The following C5orf63 variants were observed in gnomAD, a reference collection of about 807,000 sequenced individuals.
The protein encoded by C5orf63 is glutaredoxin-like protein C5orf63.
In C5orf63, 18 loss-of-function variants were observed where a neutral mutation model predicts 13.3. The observed-to-expected ratio is 1.36, with a 90% CI of 0.94 to 2.01. The LOEUF (loss-of-function observed/expected upper bound fraction) is 2.01, where lower values mean the gene tolerates loss of function less well. Among genes scored for constraint, C5orf63 ranks in the 30% most tolerant of loss-of-function variants. C5orf63 has a pLI of 0.00. For synonymous variants in C5orf63, 38 were observed against 44.7 expected, an observed-to-expected ratio of 0.85 and a Z score of 0.60; for missense variants, 118 against 127.7, an observed-to-expected ratio of 0.92 and a Z score of 0.36.
intron 2 of C5orf63, among the ~76,000 whole-genome samples, chr5:127,066,658 T>C (rs1302458754): frequency 6.6e-6 from 1 of 151,954 alleles, no homozygotes; most frequent in Non-Finnish European, 1.5e-5. Flanking sequence ...GAGAATGACA[T>C]ACACAGGTTT....
At chr5:127,049,938 T>C (rs1329939539), downstream of C5orf63, among the ~76,000 whole-genome samples, 1 of 152,176 alleles carries the variant, frequency 6.6e-6, no homozygotes, top group Admixed American at 6.5e-5. Context: ...TTCCTGCTAG[T>C]TTTTGGCCGA....
At chr5:127,049,013 A>AG (rs560392872), downstream of C5orf63, among the ~76,000 whole-genome samples, 76 of 152,232 alleles carry the variant, frequency 5.0e-4, no homozygotes, top group Non-Finnish European at 9.0e-4. Flanking sequence ...ACACAAGTGG[A>AG]GGACTTTGTC....
At chr5:127,061,746 C>T (rs889966635) in intron 2 of C5orf63, among the ~76,000 whole-genome samples, 12 of 152,160 alleles carry the variant, frequency 7.9e-5, no homozygotes, top group East Asian at 7.7e-4. Context: ...GCCATGTTTA[C>T]TCTAGGTAGA....
At chr5:127,048,906 T>C (rs1173591798), downstream of C5orf63, among the ~76,000 whole-genome samples, 1 of 152,182 alleles carries the variant, frequency 6.6e-6, no homozygotes, top group Non-Finnish European at 1.5e-5. Flanking sequence ...CCTTTCCAAC[T>C]GGTGGTCTAG....
At chr5:127,051,240 C>T (rs1321425547), downstream of C5orf63, 2 of 1,105,376 alleles carry the variant, frequency 1.8e-6, no homozygotes, top group East Asian at 3.2e-5. Flanking sequence ...TTCTACTCAA[C>T]AAAAATGAAC....
At chr5:127,058,117 A>C (rs1333385203) in intron 3 of C5orf63, among the ~76,000 whole-genome samples, 1 of 152,110 alleles carries the variant, frequency 6.6e-6, no homozygotes, top group African/African-American at 2.4e-5. Context: ...ATTGCATGCC[A>C]CTGGGGTTTG....
chr5:127,069,518 C>T (rs1754455580), intron 2 of C5orf63, among the ~76,000 whole-genome samples: 1 of 152,206 alleles, frequency 6.6e-6, no homozygotes, highest in Admixed American at 6.5e-5. Flanking sequence ...TTTATCTTGT[C>T]AAAGAGATAA....
chr5:127,051,538 A>T lies in C5orf63; in HGVS notation c.*233T>A. 1 of 1,239,090 alleles carries T rather than the reference A, an allele frequency of 8.1e-7. No individual in the cohort carries two copies. Among genetic ancestry groups the T allele is most frequent in the Admixed American group, 4.1e-5 (1 of 24,470 alleles). 76.8% of individuals were successfully genotyped at this position (1,239,090 alleles called of 1,614,324 possible). A position where few individuals can be genotyped will look rare whatever the true frequency, so the allele number is the denominator to read the frequency against. ...AAATGGACTTCTCCCTCCCTCCATC[A>T]TCTCCCTCCCTGCTAATATGCTCTT... On this transcript the variant is annotated 3_prime_UTR_variant, in exon 5 of 5. Transcript: ENST00000296662.
At chr5:127,060,403 C>A (rs1273428878) in intron 2 of C5orf63, among the ~76,000 whole-genome samples, 1 of 152,230 alleles carries the variant, frequency 6.6e-6, no homozygotes, top group Non-Finnish European at 1.5e-5. Flanking sequence ...CTTTGCTCAA[C>A]ATAAGACATA....
chr5:127,073,293 T>G (rs1173530389), intron 1 of C5orf63, 158 bp downstream of exon 1: 1 of 152,004 alleles, frequency 6.6e-6, no homozygotes, highest in African/African-American at 2.4e-5. Context: ...CTCCCCCAAG[T>G]AGTTCATGGA....
intron 3 of C5orf63, among the ~76,000 whole-genome samples, chr5:127,057,941 G>A (rs1413689702): frequency 2.6e-5 from 4 of 152,154 alleles, no homozygotes; most frequent in Non-Finnish European, 5.9e-5. Context: ...ACATGTGTTC[G>A]ATAAGCTTCA....
intron 4 of C5orf63, 62 bp downstream of exon 4, chr5:127,052,551 A>T: frequency 8.7e-7 from 1 of 1,147,862 alleles, no homozygotes; most frequent in Non-Finnish European, 1.1e-6. Flanking sequence ...ATCCAGGCAG[A>T]TACTTTATAC....
chr5:127,069,412 A>C (rs144884998), intron 2 of C5orf63, among the ~76,000 whole-genome samples: 1 of 152,340 alleles, frequency 6.6e-6, no homozygotes, highest in African/African-American at 2.4e-5. Flanking sequence ...TTTAAAAAGC[A>C]CATAATCCCA....
At chr5:127,071,200 C>G (rs1212945682) in intron 2 of C5orf63, among the ~76,000 whole-genome samples, 1 of 152,130 alleles carries the variant, frequency 6.6e-6, no homozygotes, top group Non-Finnish European at 1.5e-5. Flanking sequence ...GACTCACAAA[C>G]AAATAACACA....
At chr5:127,059,764 G>A (rs906383387) in intron 2 of C5orf63, among the ~76,000 whole-genome samples, 4 of 151,616 alleles carry the variant, frequency 2.6e-5, no homozygotes, top group African/African-American at 9.7e-5. Flanking sequence ...AAGAAACAAT[G>A]GGTAAGCAGC....
intron 2 of C5orf63, among the ~76,000 whole-genome samples, chr5:127,061,162 G>C (rs1040121970): frequency 6.6e-6 from 1 of 152,090 alleles, no homozygotes; most frequent in Non-Finnish European, 1.5e-5. Flanking sequence ...TTGGGTTGGG[G>C]TACTGCAACT....
intron 2 of C5orf63, among the ~76,000 whole-genome samples, chr5:127,063,593 G>C (rs571918658): frequency 6.6e-6 from 1 of 152,190 alleles, no homozygotes; most frequent in Non-Finnish European, 1.5e-5. Context: ...TCATCAGCAA[G>C]CTGCAGTGTT....
intron 2 of C5orf63, among the ~76,000 whole-genome samples, chr5:127,064,330 A>C (rs1754238081): frequency 1.3e-5 from 2 of 152,214 alleles, no homozygotes; most frequent in African/African-American, 4.8e-5. Flanking sequence ...GCTCTAACTC[A>C]CTGGCATAGG....
chr5:127,047,857 G>A (rs1232521760), downstream of C5orf63: 3 of 703,632 alleles, frequency 4.3e-6, no homozygotes, highest in African/African-American at 5.2e-5. Context: ...GGGGTGGGAA[G>A]GTGAGGAAGG....
Sources: gnomAD v4.1 joint callset for allele counts (sites outside exome capture counted in the v4.1 genomes callset) on GRCh38, gnomAD v4.1.1 for gene constraint, MANE v1.5 for transcripts, NCBI Gene and HGNC (gene_info 2026-07-23, HGNC 2026-07-21) for gene names.